CLNK: variants seen among roughly 807,000 people sequenced by gnomAD.
CLNK encodes cytokine dependent hematopoietic cell linker.
A neutral mutation model predicts 68.6 loss-of-function variants in CLNK; 74 were observed. The ratio of observed to expected loss-of-function variants is 1.08; its 90% CI spans 0.89 to 1.31. The LOEUF (loss-of-function observed/expected upper bound fraction) is 1.31. Ranked by LOEUF, CLNK falls within the 50% of genes most tolerant of loss-of-function variation. The pLI, the probability that CLNK is intolerant of heterozygous loss-of-function variation, is 0.00. For synonymous variants in CLNK, 198 were observed against 172.2 expected, an observed-to-expected ratio of 1.15 and a Z score of -1.17; for missense variants, 553 against 515.3, an observed-to-expected ratio of 1.07 and a Z score of -0.71.
chr4:10,616,845 G>T (rs1464144222), intron 2 of CLNK, among the ~76,000 whole-genome samples: 2 of 139,560 alleles, frequency 1.4e-5, no homozygotes, highest in African/African-American at 5.4e-5. Flanking sequence ...TTTTTCTAGA[G>T]AATTGTTCAA....
chr4:10,705,677 A>G, the CLNK span, among the ~76,000 whole-genome samples: 1 of 152,210 alleles, frequency 6.6e-6, no homozygotes, highest in African/African-American at 2.4e-5. Flanking sequence ...GGACTTGCTC[A>G]GACAAGCCAG....
intron 11 of CLNK, among the ~76,000 whole-genome samples, chr4:10,535,446 A>C (rs1201133836): frequency 1.3e-5 from 2 of 152,026 alleles, no homozygotes; most frequent in Non-Finnish European, 2.9e-5. Context: ...GGAGATAGTA[A>C]TTTTTTTACA....
the CLNK span, among the ~76,000 whole-genome samples, chr4:10,723,132 G>A: frequency 1.3e-5 from 2 of 152,124 alleles, no homozygotes; most frequent in African/African-American, 4.8e-5. Context: ...AGGTTACAAA[G>A]TTCTTTACTT....
chr4:10,501,256 C>A lies in CLNK; in HGVS notation c.1140G>T (p.Glu380Asp), dbSNP rs771609751. 6.4e-7 allele frequency: 1 copy of A among 1,567,074 alleles called. No individual in the cohort carries two copies. Among genetic ancestry groups the A allele is most frequent in the Non-Finnish European group, 8.6e-7 (1 of 1,164,678 alleles). ...FALGTGLRGD[E>D]KFDSVEDIIE... is the part of the protein sequence containing the mutation. Reference sequence around the variant, plus strand: ...AGGGAGGCTGTTAAGTTATACCCACCTCATCTCCTCTGAGTCCTGTCCCCA... The same window carrying A: ...AGGGAGGCTGTTAAGTTATACCCACATCATCTCCTCTGAGTCCTGTCCCCA... Residue 380 changes from glutamate (E) to aspartate (D), a missense_variant and splice_region_variant, in exon 18 of 19, where the codon GAG (glutamate) becomes GAT (aspartate). Glu to Asp is a conservative substitution (Grantham distance 45). Coordinates refer to ENST00000226951, the MANE Select transcript of CLNK (RefSeq NM_052964.4).
chr4:10,584,899 A>C (rs1720914215), intron 4 of CLNK, 28 bp downstream of exon 4: 1 of 1,612,294 alleles, frequency 6.2e-7, no homozygotes, highest in Admixed American at 1.7e-5. Context: ...CATTCCCACC[A>C]CTTAGGTGAC....
chr4:10,692,020 C>T, the CLNK span: 1 of 151,684 alleles, frequency 6.6e-6, no homozygotes, highest in African/African-American at 2.4e-5. Flanking sequence ...TTCTCTCTCC[C>T]TGCCTCTCTC....
intron 3 of CLNK, among the ~76,000 whole-genome samples, chr4:10,596,343 A>G (rs553184198): frequency 6.6e-6 from 1 of 152,306 alleles, no homozygotes; most frequent in East Asian, 1.9e-4. Flanking sequence ...CACTTCTAAA[A>G]CACAGGAGGT....
chr4:10,718,780 C>G, the CLNK span, among the ~76,000 whole-genome samples: 1 of 151,944 alleles, frequency 6.6e-6, no homozygotes, highest in African/African-American at 2.4e-5. Context: ...TTCTTGTTCT[C>G]TTGAGTCTTC....
chr4:10,638,131 A>T (rs1723167072), intron 2 of CLNK, among the ~76,000 whole-genome samples: 1 of 152,178 alleles, frequency 6.6e-6, no homozygotes, highest in African/African-American at 2.4e-5. Flanking sequence ...CCACGGCCTG[A>T]CATTCAGCCT....
chr4:10,568,831 C>G (rs566073521), intron 5 of CLNK, among the ~76,000 whole-genome samples: 1 of 152,188 alleles, frequency 6.6e-6, no homozygotes, highest in Non-Finnish European at 1.5e-5. Context: ...CCATGCTGTG[C>G]CCAGACTTCT....
rs1204028052 is a variant in CLNK, at chr4:10,529,613, C to T, written c.631-1519G>A. 3.3e-5 allele frequency among the ~76,000 whole-genome samples: 5 copies of T among 152,134 alleles called. No individual in the cohort carries two copies. The East Asian group carries it at 9.6e-4, about 29-fold the overall frequency. ...CAGAAAATCAAAGAAAATCTATAGG[C>T]TAAGTAAAAAGAGTAATGAATCCAT... On this transcript the variant is annotated intron_variant, in intron 12 of 18. Transcript: ENST00000226951.
the CLNK span, among the ~76,000 whole-genome samples, chr4:10,709,990 T>C: frequency 6.6e-6 from 1 of 152,172 alleles, no homozygotes; most frequent in Non-Finnish European, 1.5e-5. Context: ...AGTTACAAGC[T>C]CAACAATTGC....
the CLNK span, among the ~76,000 whole-genome samples, chr4:10,706,617 G>C: frequency 6.6e-6 from 1 of 152,114 alleles, no homozygotes; most frequent in African/African-American, 2.4e-5. Flanking sequence ...TGGGTGTCCT[G>C]AGCTGCCCAA....
At chr4:10,680,764 G>C (rs6821184) in intron 1 of CLNK, among the ~76,000 whole-genome samples, 81,536 of 151,900 alleles carry the variant, frequency 0.54, 22,023 homozygotes, top group South Asian at 0.57. Flanking sequence ...GAGGTTCTGA[G>C]GAGTTAAATA....
chr4:10,650,262 A>C (rs980332981), intron 2 of CLNK, among the ~76,000 whole-genome samples: 1 of 152,302 alleles, frequency 6.6e-6, no homozygotes, highest in South Asian at 2.1e-4. Flanking sequence ...GATGAAGGCT[A>C]AAACGTGACG....
chr4:10,613,742 C>T (rs1317699561), intron 2 of CLNK, among the ~76,000 whole-genome samples: 1 of 152,148 alleles, frequency 6.6e-6, no homozygotes, highest in East Asian at 1.9e-4. Flanking sequence ...GTGTTACTCT[C>T]TTTGTAGTAG....
chr4:10,557,370 C>A (rs897491844), intron 8 of CLNK, among the ~76,000 whole-genome samples: 1 of 152,144 alleles, frequency 6.6e-6, no homozygotes, highest in Non-Finnish European at 1.5e-5. Flanking sequence ...CATTGGGAAG[C>A]CCCAACAGGA....
chr4:10,581,979 C>G (rs1475721882), intron 4 of CLNK, among the ~76,000 whole-genome samples: 2 of 152,068 alleles, frequency 1.3e-5, no homozygotes, highest in Non-Finnish European at 2.9e-5. Context: ...CCTGGCCTTA[C>G]CATATGCCTG....
intron 1 of CLNK, among the ~76,000 whole-genome samples, chr4:10,672,606 T>C (rs111514082): frequency 1.5e-4 from 23 of 152,334 alleles, no homozygotes; most frequent in African/African-American, 4.1e-4. Context: ...AAGCATCTGC[T>C]AATAACCACT....
Sources: gnomAD v4.1 joint callset for allele counts (sites outside exome capture counted in the v4.1 genomes callset) on GRCh38, gnomAD v4.1.1 for gene constraint, MANE v1.5 for transcripts, NCBI Gene and HGNC (gene_info 2026-07-23, HGNC 2026-07-21) for gene names.